Variants in ATP8A2 observed in about 807,000 individuals in gnomAD.
ATP8A2 encodes phospholipid-transporting ATPase IB.
ATP8A2 carries 100 observed loss-of-function variants against 165.6 expected under a neutral mutation model. The ratio of observed to expected loss-of-function variants is 0.60; its 90% CI spans 0.51 to 0.71. The LOEUF is 0.71. Among genes scored for constraint, ATP8A2 ranks in the 30% least tolerant of loss-of-function variants. ATP8A2 has a pLI of 0.00. For missense variants in ATP8A2, 1,227 were observed against 1,479.5 expected (o/e 0.83, Z 2.80); for synonymous variants, 543 against 548.8 (o/e 0.99, Z 0.15).
intron 2 of ATP8A2, among the ~76,000 whole-genome samples, chr13:25,472,855 A>T (rs8001435): frequency 3.3e-5 from 5 of 151,978 alleles, no homozygotes; most frequent in African/African-American, 1.2e-4. Context: ...ACCCTAAGCC[A>T]GTTTTGGTTT....
At chr13:25,751,282 A>C (rs1297570858) in intron 25 of ATP8A2, among the ~76,000 whole-genome samples, 1 of 152,226 alleles carries the variant, frequency 6.6e-6, no homozygotes, top group Admixed American at 6.5e-5. Flanking sequence ...AGAAATGGCA[A>C]CATCTTGTTT....
chr13:26,014,168 G>A (rs968968431), intron 36 of ATP8A2, among the ~76,000 whole-genome samples: 4 of 152,166 alleles, frequency 2.6e-5, no homozygotes, highest in Non-Finnish European at 5.9e-5. Flanking sequence ...CTGCTTTTTC[G>A]TGACCTTGGG....
chr13:25,620,977 T>C (rs2040953244), intron 24 of ATP8A2, among the ~76,000 whole-genome samples: 1 of 152,082 alleles, frequency 6.6e-6, no homozygotes, highest in Non-Finnish European at 1.5e-5. Context: ...GGAAGTTCTT[T>C]TGAGAGAAGT....
chr13:25,804,371 C>T (rs1247373332), intron 27 of ATP8A2, among the ~76,000 whole-genome samples: 1 of 152,178 alleles, frequency 6.6e-6, no homozygotes, highest in Non-Finnish European at 1.5e-5. Context: ...TCCGCTCTGA[C>T]AGGGATGGTA....
intron 35 of ATP8A2, among the ~76,000 whole-genome samples, chr13:25,969,610 A>G (rs1187733695): frequency 6.6e-6 from 1 of 151,852 alleles, no homozygotes; most frequent in African/African-American, 2.4e-5. Context: ...TTTTTTGTTA[A>G]AGAAAGAGAA....
chr13:25,825,302 G>T (rs918100672), intron 27 of ATP8A2, among the ~76,000 whole-genome samples: 1 of 151,008 alleles, frequency 6.6e-6, no homozygotes, highest in African/African-American at 2.4e-5. Context: ...GGACTACAGA[G>T]GTGTGCATCA....
intron 33 of ATP8A2, among the ~76,000 whole-genome samples, chr13:25,908,928 T>C (rs747744546): frequency 2.0e-5 from 3 of 152,208 alleles, no homozygotes; most frequent in Admixed American, 6.5e-5. Context: ...AAAATATTAT[T>C]TGGATGATAA....
At chr13:25,498,007 G>A (rs2036733168) in intron 2 of ATP8A2, among the ~76,000 whole-genome samples, 2 of 151,964 alleles carry the variant, frequency 1.3e-5, no homozygotes, top group African/African-American at 2.4e-5. Context: ...TCATTGTCTA[G>A]TACTTGTTCA....
chr13:26,004,456 CAG>C (rs1158755068), intron 35 of ATP8A2, among the ~76,000 whole-genome samples: 1 of 152,030 alleles, frequency 6.6e-6, no homozygotes. Flanking sequence ...TACCAACAAA[CAG>C]AGATAATTTT....
intron 10 of ATP8A2, among the ~76,000 whole-genome samples, chr13:25,550,230 A>G (rs758839837): frequency 3.3e-5 from 5 of 152,148 alleles, no homozygotes; most frequent in Non-Finnish European, 7.4e-5. Context: ...GCTTGAACCC[A>G]GGAGGCGGAG....
intron 1 of ATP8A2, among the ~76,000 whole-genome samples, chr13:25,435,338 C>G (rs1257196707): frequency 5.3e-5 from 8 of 152,036 alleles, no homozygotes; most frequent in African/African-American, 1.9e-4. Flanking sequence ...TCAGGCTGGT[C>G]TCGAACTCCT....
Position 25,469,002 on chromosome 13 carries a change from TAAG to T in ATP8A2, c.106_108del (p.Lys36del). Reference sequence around the variant, plus strand: ...GACCTGTTCGTTCTTCTTTGGGCTATAAGAAGGCAGAGGATGAGATGTCCCGGG... The same window carrying T: ...GACCTGTTCGTTCTTCTTTGGGCTATAAGGCAGAGGATGAGATGTCCCGGG... On this transcript the variant is annotated inframe_deletion, in exon 2 of 37. Transcript: ENST00000381655. The T allele has an allele frequency of 6.2e-7, 1 of 1,614,020 alleles. No homozygotes were observed. The highest frequency in any genetic ancestry group is 8.5e-7 in the Non-Finnish European group (1 of 1,179,880).
At chr13:25,611,840 C>G (rs1475257797) in intron 24 of ATP8A2, among the ~76,000 whole-genome samples, 2 of 152,020 alleles carry the variant, frequency 1.3e-5, no homozygotes, top group Non-Finnish European at 2.9e-5. Context: ...TTCACGGTTT[C>G]TATTTATTCC....
intron 24 of ATP8A2, among the ~76,000 whole-genome samples, chr13:25,666,767 A>G (rs1404118287): frequency 1.3e-5 from 2 of 152,206 alleles, no homozygotes; most frequent in Non-Finnish European, 2.9e-5. Context: ...GACTAGTTCA[A>G]GGTAGTAAAA....
intron 33 of ATP8A2, among the ~76,000 whole-genome samples, chr13:25,866,400 G>C (rs900085788): frequency 2.0e-5 from 3 of 152,088 alleles, no homozygotes; most frequent in African/African-American, 7.2e-5. Flanking sequence ...CTTTTTCCTG[G>C]AGTGATGAAT....
chr13:25,903,971 TA>T (rs1034625669), intron 33 of ATP8A2, among the ~76,000 whole-genome samples: 1 of 151,700 alleles, frequency 6.6e-6, no homozygotes, highest in Admixed American at 6.6e-5. Context: ...GGGGAGCATT[TA>T]AAAAAAAACT....
chr13:25,839,439 C>T (rs1408752461), intron 29 of ATP8A2, 107 bp from the exon 30 acceptor site: 17 of 726,898 alleles, frequency 2.3e-5, no homozygotes, highest in Non-Finnish European at 3.2e-5. Context: ...CTCCTGGAAC[C>T]GTGCAGCGCA....
At chr13:25,915,182 T>C (rs1010351372) in intron 33 of ATP8A2, among the ~76,000 whole-genome samples, 2 of 152,250 alleles carry the variant, frequency 1.3e-5, no homozygotes, top group Non-Finnish European at 2.9e-5. Context: ...TTCTTCTTTA[T>C]AGAAATCATA....
intron 5 of ATP8A2, 113 bp downstream of exon 5, chr13:25,532,430 C>A: frequency 1.5e-6 from 1 of 676,044 alleles, no homozygotes; most frequent in Non-Finnish European, 2.5e-6. Context: ...GGAAGATGAT[C>A]TATAAAATAA....
Sources: allele counts gnomAD v4.1 joint callset (sites outside exome capture counted in the v4.1 genomes callset), GRCh38; gene constraint gnomAD v4.1.1; transcripts MANE v1.5; gene names NCBI Gene and HGNC (gene_info 2026-07-23, HGNC 2026-07-21).